The following MUC5B variants were observed in gnomAD, a reference collection of about 807,000 sequenced individuals.
MUC5B encodes mucin-5B.
Under a neutral mutation model 376.9 loss-of-function variants are expected in MUC5B, and 116 were observed. The ratio of observed to expected loss-of-function variants is 0.31; its 90% CI spans 0.26 to 0.36. MUC5B has a LOEUF of 0.36. MUC5B is among the 10% of genes least tolerant of loss of function. MUC5B has a pLI of 1.00. For missense variants in MUC5B, 7,165 were observed against 7,769.9 expected (o/e 0.92, Z 2.93); for synonymous variants, 3,517 against 3,390.9 (o/e 1.04, Z -1.29).
At chr11:1,260,558 G>A in intron 47 of MUC5B, 68 bp from the exon 48 acceptor site, 1 of 1,510,348 alleles carries the variant, frequency 6.6e-7, no homozygotes, top group African/African-American at 1.4e-5. Context: ...GGGAGGGTCG[G>A]CCCAGCAAGT....
intron 38 of MUC5B, 109 bp downstream of exon 38, chr11:1,256,334 G>C: frequency 1.5e-6 from 1 of 657,352 alleles, no homozygotes; most frequent in South Asian, 1.7e-5. Flanking sequence ...CAGATCTCTG[G>C]GGTGCCCGAG....
rs1191120767 is a variant in MUC5B, at chr11:1,239,499, G to C, written c.3516G>C (p.Gly1172=). 1 of 1,605,972 alleles carries C rather than the reference G, an allele frequency of 6.2e-7. No individual in the cohort carries two copies. The highest frequency in any genetic ancestry group is 8.5e-7 in the Non-Finnish European group (1 of 1,174,688). ...GTGAGTGGCACTACCAGCCCTGCGG[G>C]GCACCCTGCCTAAAAACCTGCCGGA... is the stretch of plus-strand genomic sequence containing the variant. The part of the protein sequence containing the change: ...GGCEWHYQPC[G]APCLKTCRNP... Residue 1172 remains glycine, a synonymous_variant, in exon 27 of 49, where the codon GGG becomes GGC. Transcript: ENST00000529681.
chr11:1,258,050 G>C lies in MUC5B; in HGVS notation c.16451-49G>C. On this transcript the variant is annotated intron_variant, in intron 41 of 48. Transcript: ENST00000529681. The surrounding 1 kb of genome is among the most constrained non-coding windows in gnomAD (Gnocchi z 5.5). ...CGACTTACTCTGGGAACAAGTGGTC[G>C]GGAGGAGGAGTGAGCAGCGCCCAGA... 6.7e-7 allele frequency: 1 copy of C among 1,498,372 alleles called. No individual in the cohort carries two copies. The allele number at this position is 1,498,372 out of a possible 1,614,324, so 92.8% of individuals were successfully genotyped here. A position where few individuals can be genotyped will look rare whatever the true frequency, so the allele number is the denominator to read the frequency against.
Position 1,253,095 on chromosome 11 carries a change from G to C in MUC5B, c.15217+115G>C. On this transcript the variant is annotated intron_variant, in intron 33 of 48. Transcript: ENST00000529681. The surrounding 1 kb of genome is among the most constrained non-coding windows in gnomAD (Gnocchi z 4.3). ...GCACAGTGGGGTGCAGTGGGGAATG[G>C]TGGGGCATGGTGGGGCATGGTGGGG... is the stretch of plus-strand genomic sequence containing the variant. 1.1e-6 allele frequency: 1 copy of C among 934,526 alleles called. No homozygotes were observed. Among genetic ancestry groups the C allele is most frequent in the African/African-American group, 1.7e-5 (1 of 60,584 alleles). 57.9% of individuals were successfully genotyped at this position (934,526 alleles called of 1,614,324 possible).
chr11:1,232,125 G>C lies in MUC5B; in HGVS notation c.1808G>C (p.Ser603Thr). Reference sequence around the variant, plus strand: ...GCTGCCTGTGCCAATGCCAGGAACAGCTTTGAGGACCCCTGCTCCCTCAGT... The same window carrying C: ...GCTGCCTGTGCCAATGCCAGGAACACCTTTGAGGACCCCTGCTCCCTCAGT... ...AQAACANARNSFEDPCSLSVE... is the reference protein window; with the variant it reads ...AQAACANARNTFEDPCSLSVE... Residue 603 changes from serine to threonine, a missense_variant, in exon 15 of 49, where the codon AGC becomes ACC. Physicochemically the swap from Ser to Thr is moderately conservative, Grantham distance 58. Around this residue, in one of 31 missense-constraint regions of MUC5B, gnomAD observed 530 missense variants for 604.0 expected, o/e 0.88. Coordinates refer to ENST00000529681, the MANE Select transcript of MUC5B (RefSeq NM_002458.3). 1.2e-6 allele frequency: 2 copies of C among 1,612,016 alleles called. 1 individual carries two copies. Among genetic ancestry groups the C allele is most frequent in the South Asian group, 2.2e-5 (2 of 90,940 alleles).
Position 1,253,105 on chromosome 11 carries a change from G to T in MUC5B, c.15217+125G>T. On this transcript the variant is annotated intron_variant, in intron 33 of 48. Coordinates refer to ENST00000529681, the MANE Select transcript of MUC5B (RefSeq NM_002458.3). The surrounding 1 kb of genome is among the most constrained non-coding windows in gnomAD (Gnocchi z 4.3). ...GTGCAGTGGGGAATGGTGGGGCATGGTGGGGCATGGTGGGGTGCAGTGGGG... is the reference window on the plus strand; with the variant it reads ...GTGCAGTGGGGAATGGTGGGGCATGTTGGGGCATGGTGGGGTGCAGTGGGG... 1 of 1,032,522 alleles carries T rather than the reference G, an allele frequency of 9.7e-7. No homozygotes were observed. The highest frequency in any genetic ancestry group is 1.4e-6 in the Non-Finnish European group (1 of 713,604). 64.0% of individuals were successfully genotyped at this position (1,032,522 alleles called of 1,614,324 possible).
Position 1,257,763 on chromosome 11 carries a change from C to G in MUC5B, c.16450+53C>G. On this transcript the variant is annotated intron_variant, in intron 41 of 48. Transcript: ENST00000529681. The surrounding 1 kb of genome is among the most constrained non-coding windows in gnomAD (Gnocchi z 8.9). Reference sequence around the variant, plus strand: ...GGCATAGGGTGAGGGGGGACAGAGCCGGTGCCCACCAGGGGCCTGTGGGTT... The same window carrying G: ...GGCATAGGGTGAGGGGGGACAGAGCGGGTGCCCACCAGGGGCCTGTGGGTT... 2.7e-6 allele frequency: 4 copies of G among 1,496,550 alleles called. No homozygotes were observed. Among genetic ancestry groups the G allele is most frequent in the Non-Finnish European group, 2.7e-6 (3 of 1,122,988 alleles). 92.7% of individuals were successfully genotyped at this position (1,496,550 alleles called of 1,614,324 possible).
In MUC5B at chr11:1,258,140, C is replaced by T; in HGVS notation, c.16492C>T (p.Pro5498Ser). The T allele has an allele frequency of 6.2e-7, 1 of 1,600,276 alleles. No homozygotes were observed. Among genetic ancestry groups the T allele is most frequent in the Non-Finnish European group, 8.5e-7 (1 of 1,175,504 alleles). ...TTCPQSLPVC[P>S]PGQESICTQE... ...CTGCCCCCAGAGCCTGCCTGTGTGC[C>T]CGCCAGGGCAGGAGTCCATCTGCAC... is the stretch of plus-strand genomic sequence containing the variant. Residue 5498 changes from proline to serine, a missense_variant, in exon 42 of 49, where the codon CCG becomes TCG. Around this residue, in one of 31 missense-constraint regions of MUC5B, gnomAD observed 842 missense variants for 1,016.9 expected, o/e 0.83. Coordinates refer to ENST00000529681, the MANE Select transcript of MUC5B (RefSeq NM_002458.3). This position sits in a 1 kb window ranked among gnomAD's most constrained non-coding sequence, Gnocchi z 5.5.
In MUC5B at chr11:1,254,240, G is replaced by A. The variant is rs748622933; in HGVS notation, c.15366G>A (p.Thr5122=). 4.3e-6 allele frequency: 7 copies of A among 1,612,398 alleles called. No homozygotes were observed. Among genetic ancestry groups the A allele is most frequent in the East Asian group, 4.5e-5 (2 of 44,896 alleles). ...LSLYLDNHYC[T]ASATAAAARC... ...TCTACCTGGACAACCACTACTGCAC[G>A]GCCTCTGCCACTGCCGCTGCCGCCC... The change falls in exon 34 of 49, where the codon ACG becomes ACA. Residue 5122 remains threonine, a synonymous_variant. Coordinates refer to ENST00000529681, the MANE Select transcript of MUC5B (RefSeq NM_002458.3).
rs200140922 is a variant in MUC5B, at chr11:1,250,942, A to G, written c.14062A>G (p.Thr4688Ala). The G allele has an allele frequency of 2.3e-3, 3,640 of 1,606,776 alleles. 64 individuals are homozygous for G. In the African/African-American group the frequency reaches 0.044, roughly 19 times the overall value. Residue 4688 changes from threonine to alanine, a missense_variant, in exon 31 of 49, where the codon ACG becomes GCG. This residue lies in a region of MUC5B where 730 missense variants were observed against 592.7 expected (regional missense o/e 1.23). Transcript: ENST00000529681. ...PSLTTTATTITATGSTTNPSS... is the reference protein window; with the variant it reads ...PSLTTTATTIAATGSTTNPSS... The stretch of plus-strand genomic sequence containing the variant: ...ACTGACCACCACGGCCACTACGATC[A>G]CGGCCACCGGCTCCACCACCAACCC...
At position 1,258,251 on chromosome 11, in the gene MUC5B, G is replaced by C. The variant is rs201689825; in HGVS notation, c.16555+48G>C. 2,077 of 1,577,458 alleles carry C rather than the reference G, an allele frequency of 1.3e-3. 3 individuals carry two copies. The highest frequency in any genetic ancestry group is 1.4e-3 in the Non-Finnish European group (1,591 of 1,161,630). On this transcript the variant is annotated intron_variant, in intron 42 of 48. Coordinates refer to ENST00000529681, the MANE Select transcript of MUC5B (RefSeq NM_002458.3). The surrounding 1 kb of genome is among the most constrained non-coding windows in gnomAD (Gnocchi z 5.5). The stretch of plus-strand genomic sequence containing the variant: ...TCCTGGGTGGCCTCTTGCTGGGGGT[G>C]GGGGAGTGCAGGATGGTGGGGGCGC...
In MUC5B at chr11:1,259,162, C is replaced by T. The variant is rs186587670; in HGVS notation, c.16713+101C>T. The stretch of plus-strand genomic sequence containing the variant: ...CCAGGTGAGACCTGAGTCACCCGCC[C>T]CCAGGTGAGCCCCCGAGGCACCTGC... On this transcript the variant is annotated intron_variant, in intron 44 of 48. Coordinates refer to ENST00000529681, the MANE Select transcript of MUC5B (RefSeq NM_002458.3). 294 of 1,277,102 alleles carry T rather than the reference C, an allele frequency of 2.3e-4. 2 individuals are homozygous for T. The African/African-American group carries it at 4.1e-3, about 18-fold the overall frequency. 79.1% of individuals were successfully genotyped at this position (1,277,102 alleles called of 1,614,324 possible). A position where few individuals can be genotyped will look rare whatever the true frequency, so the allele number is the denominator to read the frequency against.
At chr11:1,233,536 C>T (rs2133814096) in intron 18 of MUC5B, among the ~76,000 whole-genome samples, 1 of 152,312 alleles carries the variant, frequency 6.6e-6, no homozygotes, top group East Asian at 1.9e-4. Context: ...GTGGGTGGCC[C>T]CCACTCCCAC....
In MUC5B at chr11:1,251,650, T is replaced by G. The variant is rs762405508; in HGVS notation, c.14770T>G (p.Ser4924Ala). 1 of 1,613,110 alleles carries G rather than the reference T, an allele frequency of 6.2e-7. No homozygotes were observed. The highest frequency in any genetic ancestry group is 1.7e-4 in the Middle Eastern group (1 of 6,056). ...PTFSVSTVSSSVLTTLRPTGF... is the reference protein window; with the variant it reads ...PTFSVSTVSSAVLTTLRPTGF... ...CTTCAGCGTGTCCACTGTGTCCTCC[T>G]CAGTCCTCACCACCCTGAGACCCAC... Residue 4924 changes from serine to alanine, a missense_variant, in exon 31 of 49, where the codon TCA becomes GCA. Ser to Ala is a moderately conservative substitution (Grantham distance 99). Transcript: ENST00000529681.
chr11:1,246,882 C>T lies in MUC5B; in HGVS notation c.10002C>T (p.Ile3334=). ...PGTALTPPVW[I]STTTTPTTRG... ...CGGCACTCACGCCTCCAGTGTGGAT[C>T]AGCACAACCACCACACCCACAACCA... Residue 3334 remains isoleucine (I), a synonymous_variant, in exon 31 of 49, where the codon ATC becomes ATT. Coordinates refer to ENST00000529681, the MANE Select transcript of MUC5B (RefSeq NM_002458.3). The T allele has an allele frequency of 6.2e-7, 1 of 1,610,318 alleles. No individual in the cohort carries two copies. The highest frequency in any genetic ancestry group is 1.1e-5 in the South Asian group (1 of 90,928).
intron 25 of MUC5B, among the ~76,000 whole-genome samples, chr11:1,237,691 GA>G (rs1862188523): frequency 1.3e-5 from 2 of 152,288 alleles, no homozygotes; most frequent in African/African-American, 4.8e-5. Context: ...TCAACATGGC[GA>G]AACCCCGTCT....
Position 1,258,402 on chromosome 11 carries a change from G to T in MUC5B, c.16593+35G>T, listed in dbSNP as rs1168139636. 1.9e-6 allele frequency: 3 copies of T among 1,609,402 alleles called. No individual in the cohort carries two copies. The highest frequency in any genetic ancestry group is 1.3e-5 in the African/African-American group (1 of 74,874). On this transcript the variant is annotated intron_variant, in intron 43 of 48. Coordinates refer to ENST00000529681, the MANE Select transcript of MUC5B (RefSeq NM_002458.3). This position sits in a 1 kb window ranked among gnomAD's most constrained non-coding sequence, Gnocchi z 5.5. ...CAGCAGTGGGTGGGTGTGGCCCTGGGGCCTGAACATGTGTGTGGGATGCCC... is the reference window on the plus strand; with the variant it reads ...CAGCAGTGGGTGGGTGTGGCCCTGGTGCCTGAACATGTGTGTGGGATGCCC...
intron 1 of MUC5B, 92 bp from the exon 2 acceptor site, chr11:1,225,580 CATGCGGCTG>C (rs200045822): frequency 9.3e-7 from 1 of 1,078,014 alleles, no homozygotes; most frequent in East Asian, 2.7e-5. Flanking sequence ...AAGGACCCCA[CATGCGGCTG>C]CCGCACCAGG....
At position 1,244,591 on chromosome 11, in the gene MUC5B, C is replaced by G. The variant is rs775238413; in HGVS notation, c.7711C>G (p.Pro2571Ala). 6.2e-7 allele frequency: 1 copy of G among 1,613,460 alleles called. No homozygotes were observed. The highest frequency in any genetic ancestry group is 1.7e-5 in the Admixed American group (1 of 59,974). ...TMSTATPSST[P>A]ETVHTSTVLT... is the part of the protein sequence containing the mutation. The stretch of plus-strand genomic sequence containing the variant: ...GTCCACAGCCACACCCTCCTCCACT[C>G]CAGAGACTGTCCACACCTCCACAGT... Residue 2571 changes from proline to alanine, a missense_variant, in exon 31 of 49, where the codon CCA becomes GCA. Transcript: ENST00000529681.
Sources: gnomAD v4.1 joint callset for allele counts (sites outside exome capture counted in the v4.1 genomes callset) on GRCh38, gnomAD v4.1.1 for gene constraint, gnomAD v4.1.1 regional missense constraint, Gnocchi (gnomAD v3.1) non-coding constraint, MANE v1.5 for transcripts, NCBI Gene and HGNC (gene_info 2026-07-23, HGNC 2026-07-21) for gene names.